Variants in DNAH11 observed in about 807,000 individuals in gnomAD.
DNAH11 encodes the protein axonemal beta dynein heavy chain 11.
In DNAH11, 442 loss-of-function variants were observed where a neutral mutation model predicts 526.0. The ratio of observed to expected loss-of-function variants is 0.84; its 90% CI spans 0.78 to 0.91. The LOEUF (loss-of-function observed/expected upper bound fraction) is 0.91, where lower values mean the gene tolerates loss of function less well. Among genes scored for constraint, DNAH11 ranks in the 40% least tolerant of loss-of-function variants. The pLI is 0.00. For synonymous variants in DNAH11, 2,461 were observed against 1,935.9 expected (o/e 1.27, Z -7.12); for missense variants, 6,989 against 5,448.7 (o/e 1.28, Z -8.90).
chr7:21,857,661 C>T (rs1298614333), intron 68 of DNAH11, among the ~76,000 whole-genome samples: 3 of 152,090 alleles, frequency 2.0e-5, no homozygotes, highest in South Asian at 2.1e-4. Flanking sequence ...TGGAGAATCC[C>T]GAGGTACACC....
chr7:21,702,647 T>A, intron 36 of DNAH11, 63 bp from the exon 37 acceptor site: 1 of 1,427,038 alleles, frequency 7.0e-7, no homozygotes, highest in African/African-American at 1.4e-5. Flanking sequence ...AGCTCTTACC[T>A]CTGGAATGAG....
intron 8 of DNAH11, among the ~76,000 whole-genome samples, chr7:21,577,846 C>G (rs1340250118): frequency 6.6e-6 from 1 of 152,138 alleles, no homozygotes; most frequent in Admixed American, 6.5e-5. Context: ...AAAAGACAAT[C>G]AGTAGATGCC....
At chr7:21,651,371 T>A (rs1781764505) in intron 28 of DNAH11, among the ~76,000 whole-genome samples, 1 of 152,140 alleles carries the variant, frequency 6.6e-6, no homozygotes, top group Non-Finnish European at 1.5e-5. Context: ...TTTATTTATT[T>A]ATTTTTTTTG....
At chr7:21,847,970 C>G (rs889090507) in intron 66 of DNAH11, among the ~76,000 whole-genome samples, 3 of 151,948 alleles carry the variant, frequency 2.0e-5, no homozygotes, top group Admixed American at 6.5e-5. Flanking sequence ...TCGATACCAT[C>G]CTGGCTAACA....
intron 25 of DNAH11, among the ~76,000 whole-genome samples, chr7:21,623,624 A>T (rs1269852696): frequency 2.0e-5 from 3 of 152,042 alleles, no homozygotes; most frequent in African/African-American, 7.2e-5. Flanking sequence ...ACCATGGAAT[A>T]CTATGCAGCC....
At chr7:21,758,380 A>C (rs1409891364) in intron 54 of DNAH11, among the ~76,000 whole-genome samples, 2 of 152,198 alleles carry the variant, frequency 1.3e-5, no homozygotes, top group Admixed American at 6.5e-5. Context: ...TCAATGTTTT[A>C]TTTTACCCAG....
chr7:21,815,910 T>A (rs371589831), intron 63 of DNAH11, among the ~76,000 whole-genome samples: 137 of 152,130 alleles, frequency 9.0e-4, no homozygotes, highest in African/African-American at 3.2e-3. Flanking sequence ...AATCAAGGCA[T>A]AGATAATTTC....
intron 79 of DNAH11, among the ~76,000 whole-genome samples, chr7:21,895,919 C>T (rs764208752): frequency 1.3e-5 from 2 of 152,062 alleles, no homozygotes; most frequent in African/African-American, 2.4e-5. Flanking sequence ...TTAGTAGAGA[C>T]GGGGTTTCAC....
In DNAH11 at chr7:21,877,039, A is replaced by G. The variant is rs73279879; in HGVS notation, c.12195+3538A>G. Among the ~76,000 whole-genome samples, 615 of 152,278 alleles carry G rather than the reference A, an allele frequency of 4.0e-3. 1 individual carries two copies. Among genetic ancestry groups the G allele is most frequent in the African/African-American group, 0.014 (573 of 41,542 alleles). On this transcript the variant is annotated intron_variant, in intron 74 of 81. Coordinates refer to ENST00000409508, the MANE Select transcript of DNAH11 (RefSeq NM_001277115.2). Reference sequence around the variant, plus strand: ...GTGTTCTGTGTTGCTGCTGTGGTCCAATCTTGTTAAAGCCTGTGTATGGAT... The same window carrying G: ...GTGTTCTGTGTTGCTGCTGTGGTCCGATCTTGTTAAAGCCTGTGTATGGAT...
intron 63 of DNAH11, 64 bp from the exon 64 acceptor site, chr7:21,816,398 CTTCTT>C (rs1295403201): frequency 3.9e-6 from 5 of 1,292,764 alleles, no homozygotes; most frequent in Non-Finnish European, 5.4e-6. Context: ...ACTTTGTTCT[CTTCTT>C]TTCTTGTCTG....
intron 75 of DNAH11, 74 bp downstream of exon 75, chr7:21,880,967 G>T (rs1783903413): frequency 8.2e-6 from 11 of 1,335,900 alleles, no homozygotes. Flanking sequence ...TATCAAAATT[G>T]ACCATAATTT....
intron 45 of DNAH11, among the ~76,000 whole-genome samples, chr7:21,728,319 G>A (rs1562513301): frequency 1.5e-5 from 2 of 133,502 alleles, no homozygotes; most frequent in East Asian, 2.4e-4. Context: ...GTGCAGTGGT[G>A]CAATCTTGGC....
rs923929552 is a variant in DNAH11 at position 21,743,967 on chromosome 7, A to G, written c.8155-471A>G. ...ACCATGAGTGAGCAAGGGAGTCACAATGTGTTGGTGCTAGACCCACATCTA... is the reference window on the plus strand; with the variant it reads ...ACCATGAGTGAGCAAGGGAGTCACAGTGTGTTGGTGCTAGACCCACATCTA... On this transcript the variant is annotated intron_variant, in intron 49 of 81. Coordinates refer to ENST00000409508, the MANE Select transcript of DNAH11 (RefSeq NM_001277115.2). Among the ~76,000 whole-genome samples, 7 of 152,124 alleles carry G rather than the reference A, an allele frequency of 4.6e-5. 1 individual carries two copies. Among genetic ancestry groups the G allele is most frequent in the Admixed American group, 1.3e-4 (2 of 15,274 alleles).
chr7:21,810,085 A>G (rs1789445843), intron 63 of DNAH11, among the ~76,000 whole-genome samples: 1 of 152,218 alleles, frequency 6.6e-6, no homozygotes, highest in Non-Finnish European at 1.5e-5. Context: ...TTTGTTAAAG[A>G]TTTTTAAAAG....
chr7:21,624,351 C>G (rs796904601), intron 25 of DNAH11, among the ~76,000 whole-genome samples: 2 of 152,086 alleles, frequency 1.3e-5, no homozygotes, highest in African/African-American at 4.8e-5. Context: ...TTCTTAATTT[C>G]TTTTTCAGAT....
rs780522249 is a variant in DNAH11, at chr7:21,750,205, C to T, written c.8798-17C>T. 11 of 1,571,124 alleles carry T rather than the reference C, an allele frequency of 7.0e-6. No homozygotes were observed. Among genetic ancestry groups the T allele is most frequent in the Non-Finnish European group, 8.6e-6 (10 of 1,162,828 alleles). ...TTGCAATGATCTTTTAGTAATTCTA[C>T]TCATTCTTTGGGGCAGGAGAAATCC... On this transcript the variant is annotated splice_polypyrimidine_tract_variant and intron_variant, in intron 53 of 81. Transcript: ENST00000409508.
At chr7:21,839,009 C>G (rs957869725) in intron 65 of DNAH11, among the ~76,000 whole-genome samples, 1 of 152,122 alleles carries the variant, frequency 6.6e-6, no homozygotes, top group South Asian at 2.1e-4. Flanking sequence ...TTGTTACTGT[C>G]TTTGCTTTTT....
rs1785074601 is a variant in DNAH11 at position 21,725,830 on chromosome 7, A to G, written c.7286A>G (p.Asp2429Gly). The G allele has an allele frequency of 6.2e-7, 1 of 1,611,810 alleles. No individual in the cohort carries two copies. The highest frequency in any genetic ancestry group is 8.5e-7 in the Non-Finnish European group (1 of 1,178,928). The change falls in exon 45 of 82, where the codon GAC (aspartate) becomes GGC (glycine). Residue 2429 changes from aspartate to glycine, a missense_variant. By Grantham distance (94) the Asp-to-Gly change is moderately conservative (BLOSUM62 -1). Transcript: ENST00000409508. ...CCTTAGATTTCTGATTATCAAGCTG[A>G]CTTCAGTCGGTGGTGGCAGAAAGAG... ...LQDQISDYQADFSRWWQKEMK... is the reference protein window; with the variant it reads ...LQDQISDYQAGFSRWWQKEMK...
intron 61 of DNAH11, among the ~76,000 whole-genome samples, chr7:21,798,306 A>G: frequency 6.6e-6 from 1 of 152,102 alleles, no homozygotes; most frequent in East Asian, 1.9e-4. Context: ...CTGCTGGCCA[A>G]GCCGATCTTG....
Sources: gnomAD v4.1 joint callset for allele counts (sites outside exome capture counted in the v4.1 genomes callset) on GRCh38, gnomAD v4.1.1 for gene constraint, MANE v1.5 for transcripts, NCBI Gene and HGNC (gene_info 2026-07-23, HGNC 2026-07-21) for gene names.